ARFGEF1: variants seen among roughly 807,000 people sequenced by gnomAD.
ARFGEF1 encodes ARF guanine nucleotide exchange factor 1.
A neutral mutation model predicts 231.0 loss-of-function variants in ARFGEF1; 42 were observed. The observed-to-expected ratio is 0.18, with a 90% CI of 0.14 to 0.24. ARFGEF1 has a LOEUF of 0.24. Among genes scored for constraint, ARFGEF1 ranks in the 10% least tolerant of loss-of-function variants. The pLI, the probability that ARFGEF1 is intolerant of heterozygous loss-of-function variation, is 1.00. For synonymous variants in ARFGEF1, 710 were observed against 732.3 expected (o/e 0.97, Z 0.49); for missense variants, 1,345 against 2,192.0 (o/e 0.61, Z 7.72).
chr8:67,281,436 A>C (rs771443709), intron 7 of ARFGEF1, among the ~76,000 whole-genome samples: 5 of 152,168 alleles, frequency 3.3e-5, no homozygotes, highest in Admixed American at 6.5e-5. Flanking sequence ...AGCATCTTTT[A>C]ATCAAACAAG....
chr8:67,311,404 C>T (rs1414999860), intron 1 of ARFGEF1, among the ~76,000 whole-genome samples: 9 of 134,560 alleles, frequency 6.7e-5, no homozygotes, highest in East Asian at 4.9e-4. Context: ...CCGCCCCGTC[C>T]GGGAGGGAGG....
At chr8:67,216,514 T>C (rs750757294) in intron 33 of ARFGEF1, 76 bp downstream of exon 33, 76 of 1,277,958 alleles carry the variant, frequency 5.9e-5, no homozygotes, top group Non-Finnish European at 8.2e-5. Flanking sequence ...GACAATTACA[T>C]GTAAGAATTT....
At chr8:67,191,512 C>T (rs1252007171) in intron 5 of ARFGEF1, among the ~76,000 whole-genome samples, 10 of 152,160 alleles carry the variant, frequency 6.6e-5, no homozygotes, top group Non-Finnish European at 1.3e-4. Context: ...CTGGACATTT[C>T]GTATAAATGA....
intron 5 of ARFGEF1, among the ~76,000 whole-genome samples, chr8:67,294,942 A>G (rs1315052317): frequency 1.3e-5 from 2 of 152,152 alleles, no homozygotes; most frequent in Non-Finnish European, 2.9e-5. Flanking sequence ...AAAATTCAAA[A>G]TGAGCCTGGA....
intron 4 of ARFGEF1, among the ~76,000 whole-genome samples, chr8:67,297,820 T>C (rs1427982056): frequency 6.6e-6 from 1 of 151,956 alleles, no homozygotes; most frequent in African/African-American, 2.4e-5. Context: ...TTTTTCTTTT[T>C]TGAGACAGGA....
intron 33 of ARFGEF1, among the ~76,000 whole-genome samples, chr8:67,214,899 C>A (rs540660493): frequency 1.3e-5 from 2 of 152,276 alleles, no homozygotes; most frequent in South Asian, 4.1e-4. Context: ...AAAAGAAGAA[C>A]AACTGAGAGT....
chr8:67,235,738 G>A (rs1482091233), intron 22 of ARFGEF1, among the ~76,000 whole-genome samples: 1 of 152,022 alleles, frequency 6.6e-6, no homozygotes, highest in East Asian at 1.9e-4. Context: ...AAGAGTTCAA[G>A]ACTGCAGTGA....
intron 1 of ARFGEF1, among the ~76,000 whole-genome samples, chr8:67,337,796 C>CT (rs1361942875): frequency 6.6e-6 from 1 of 152,172 alleles, no homozygotes; most frequent in African/African-American, 2.4e-5. Context: ...CTTCTGAACT[C>CT]TTTCTTCTGA....
intron 19 of ARFGEF1, among the ~76,000 whole-genome samples, chr8:67,242,999 T>C (rs982628273): frequency 6.6e-6 from 1 of 152,188 alleles, no homozygotes; most frequent in Non-Finnish European, 1.5e-5. Context: ...TCAGCTGCAG[T>C]AGAATTGAAC....
At chr8:67,186,267 CT>C (rs1382234844) in intron 5 of ARFGEF1, among the ~76,000 whole-genome samples, 1 of 151,942 alleles carries the variant, frequency 6.6e-6, no homozygotes, top group African/African-American at 2.4e-5. Flanking sequence ...TCCAAAATAC[CT>C]GTTTAGTTTT....
intron 18 of ARFGEF1, among the ~76,000 whole-genome samples, 198 bp from the exon 19 acceptor site, chr8:67,251,648 C>T (rs1020493465): frequency 6.6e-6 from 1 of 151,976 alleles, no homozygotes; most frequent in African/African-American, 2.4e-5. Flanking sequence ...AGAAAGTAGA[C>T]TGGTATTTTC....
chr8:67,188,647 C>T (rs994100195), intron 5 of ARFGEF1, among the ~76,000 whole-genome samples: 1 of 152,088 alleles, frequency 6.6e-6, no homozygotes. Flanking sequence ...GCTGAGCTTT[C>T]GCTTGCTGTC....
chr8:67,194,163 C>T (rs1837211802), downstream of ARFGEF1, among the ~76,000 whole-genome samples: 1 of 152,172 alleles, frequency 6.6e-6, no homozygotes, highest in Admixed American at 6.5e-5. Context: ...AGCTACCCTG[C>T]CAGCCCTACA....
At chr8:67,256,246 T>C (rs1190004913) in intron 17 of ARFGEF1, among the ~76,000 whole-genome samples, 3 of 152,204 alleles carry the variant, frequency 2.0e-5, no homozygotes, top group Non-Finnish European at 4.4e-5. Context: ...TTGACTATAC[T>C]GCCAAAAATA....
chr8:67,336,934 T>C (rs1233231330), intron 1 of ARFGEF1, among the ~76,000 whole-genome samples: 1 of 151,274 alleles, frequency 6.6e-6, no homozygotes, highest in Non-Finnish European at 1.5e-5. Flanking sequence ...ATCGAGACCA[T>C]CCTGGCTAAC....
At position 67,201,532 on chromosome 8, in the gene ARFGEF1, G is replaced by T; in HGVS notation, c.5202C>A (p.Leu1734=). 1.9e-6 allele frequency: 3 copies of T among 1,613,718 alleles called. No homozygotes were observed. The highest frequency in any genetic ancestry group is 2.5e-6 in the Non-Finnish European group (3 of 1,179,882). ...GGCTCTCATCCATGTACATCCGGAAGAGAATGCGCAGCCCACAGGCCAGGC... is the reference window on the plus strand; with the variant it reads ...GGCTCTCATCCATGTACATCCGGAATAGAATGCGCAGCCCACAGGCCAGGC... ...TSSLACGLRI[L]FRMYMDESRV... Residue 1734 remains leucine, a synonymous_variant, in exon 37 of 39, where the codon CTC becomes CTA. Transcript: ENST00000262215.
At chr8:67,253,201 C>G (rs1197656173) in intron 18 of ARFGEF1, among the ~76,000 whole-genome samples, 1 of 152,128 alleles carries the variant, frequency 6.6e-6, no homozygotes, top group African/African-American at 2.4e-5. Flanking sequence ...TCTAAGGTTA[C>G]TTTATTCTAA....
intron 1 of ARFGEF1, among the ~76,000 whole-genome samples, chr8:67,315,951 GA>G (rs1338491957): frequency 1.3e-5 from 2 of 148,518 alleles, no homozygotes; most frequent in Middle Eastern, 3.4e-3. Context: ...AAAGCAAGCA[GA>G]AAAAAAAGGA....
chr8:67,285,117 T>A (rs1207523802), intron 7 of ARFGEF1, among the ~76,000 whole-genome samples: 2 of 127,560 alleles, frequency 1.6e-5, no homozygotes, highest in Non-Finnish European at 3.3e-5. Flanking sequence ...TGGGGCAGGG[T>A]GGGAGAGCTC....
Sources: gnomAD v4.1 joint callset for allele counts (sites outside exome capture counted in the v4.1 genomes callset) on GRCh38, gnomAD v4.1.1 for gene constraint, MANE v1.5 for transcripts, NCBI Gene and HGNC (gene_info 2026-07-23, HGNC 2026-07-21) for gene names.